Variants in FGGY observed in about 807,000 individuals in gnomAD.
FGGY encodes the protein FGGY carbohydrate kinase domain containing.
Under a neutral mutation model 71.3 loss-of-function variants are expected in FGGY, and 72 were observed. That is an observed-to-expected ratio of 1.01 (90% confidence interval 0.84 to 1.23). FGGY has a LOEUF of 1.23. Ranked by LOEUF, FGGY falls within the 50% of genes most tolerant of loss-of-function variation. The pLI is 0.00. For synonymous variants in FGGY, 251 were observed against 250.3 expected (o/e 1.00, Z -0.02); for missense variants, 668 against 682.3 (o/e 0.98, Z 0.23).
At chr1:59,656,421 G>A (rs887295517) in intron 11 of FGGY, among the ~76,000 whole-genome samples, 6 of 152,202 alleles carry the variant, frequency 3.9e-5, no homozygotes, top group African/African-American at 1.2e-4. Flanking sequence ...AGCTCCCCGA[G>A]GGTCCTTTGT....
At chr1:59,625,229 T>C (rs552289623) in intron 9 of FGGY, among the ~76,000 whole-genome samples, 24 of 152,302 alleles carry the variant, frequency 1.6e-4, no homozygotes, top group Non-Finnish European at 2.5e-4. Flanking sequence ...GGGTGTGTTA[T>C]GGCAAGCAGA....
chr1:59,479,675 G>A (rs938504525), intron 6 of FGGY, among the ~76,000 whole-genome samples: 6 of 152,154 alleles, frequency 3.9e-5, no homozygotes, highest in Admixed American at 3.9e-4. Flanking sequence ...GAGAGAGTCA[G>A]AATCTGTAAA....
chr1:59,755,910 A>T (rs897726908), intron 14 of FGGY: 4 of 152,246 alleles, frequency 2.6e-5, no homozygotes, highest in African/African-American at 9.6e-5. Context: ...GTCCTCCCTA[A>T]AGCACAGCAG....
At chr1:59,722,019 C>T (rs2097901343) in intron 14 of FGGY, among the ~76,000 whole-genome samples, 1 of 152,186 alleles carries the variant, frequency 6.6e-6, no homozygotes, top group Non-Finnish European at 1.5e-5. Flanking sequence ...CCTAACATCC[C>T]TTTTCTATTC....
chr1:59,371,982 C>G (rs971544533), intron 4 of FGGY, among the ~76,000 whole-genome samples: 14 of 152,092 alleles, frequency 9.2e-5, no homozygotes, highest in Admixed American at 8.5e-4. Flanking sequence ...GACACCCTAA[C>G]ATCACAATTA....
chr1:59,368,890 G>A (rs1319630076), intron 4 of FGGY, among the ~76,000 whole-genome samples: 1 of 151,986 alleles, frequency 6.6e-6, no homozygotes, highest in Non-Finnish European at 1.5e-5. Context: ...AGGAGTTCAC[G>A]ACCAGCCTGG....
chr1:59,516,077 TCCTTATTATG>T (rs932205282), intron 7 of FGGY, among the ~76,000 whole-genome samples: 13 of 137,638 alleles, frequency 9.4e-5, no homozygotes, highest in South Asian at 2.1e-4. Context: ...CTATGTTTTA[TCCTTATTATG>T]CCTTCTTATG....
At chr1:59,507,751 G>A (rs1004720411) in intron 6 of FGGY, among the ~76,000 whole-genome samples, 17 of 146,562 alleles carry the variant, frequency 1.2e-4, no homozygotes, top group Non-Finnish European at 2.2e-4. Context: ...GGCCAGGCTG[G>A]TCTCAAACTC....
rs1229895333 is a variant in FGGY at position 59,747,359 on chromosome 1, C to T, written c.1513-10572C>T. On this transcript the variant is annotated intron_variant, in intron 14 of 15. Coordinates refer to ENST00000303721, the MANE Select transcript of FGGY (RefSeq NM_018291.5). ...AGAGTATCACAACAGAGGTTGATGG[C>T]CTTACCTAGTATAAAACCACTCCCC... Among the ~76,000 whole-genome samples the T allele has an allele frequency of 2.6e-5, 4 of 152,154 alleles. No individual in the cohort carries two copies. In the East Asian group the frequency reaches 7.7e-4, roughly 29 times the overall value.
rs57074120 is a variant in FGGY, at chr1:59,753,467, A to AATATATATATAT, written c.1513-4429_1513-4418dup. Among the ~76,000 whole-genome samples the AATATATATATAT allele has an allele frequency of 9.8e-4, 47 of 47,842 alleles. 1 individual carries two copies. Among genetic ancestry groups the AATATATATATAT allele is most frequent in the Non-Finnish European group, 1.4e-3 (34 of 24,098 alleles). 31.4% of individuals were successfully genotyped at this position (47,842 alleles called of 152,430 possible). The stretch of plus-strand genomic sequence containing the variant: ...GACTGTCTTTATAAGCATAACTTTA[A>AATATATATATAT]ATATATATATATATATATATATATA... On this transcript the variant is annotated intron_variant, in intron 14 of 15. Transcript: ENST00000303721.
At chr1:59,679,151 C>T (rs1360816148) in intron 14 of FGGY, among the ~76,000 whole-genome samples, 1 of 152,216 alleles carries the variant, frequency 6.6e-6, no homozygotes, top group Non-Finnish European at 1.5e-5. Context: ...TGCAAACATC[C>T]TCATTGCTTA....
intron 1 of FGGY, among the ~76,000 whole-genome samples, chr1:59,312,356 A>G (rs1161938829): frequency 4.6e-5 from 7 of 152,208 alleles, no homozygotes; most frequent in Non-Finnish European, 1.0e-4. Context: ...GTGACTATCA[A>G]CAGGATATTG....
At chr1:59,393,320 C>T (rs1005009830) in intron 5 of FGGY, 2 of 152,202 alleles carry the variant, frequency 1.3e-5, no homozygotes, top group African/African-American at 4.8e-5. Flanking sequence ...GGGGAGGGAC[C>T]TCTGCAGTGG....
chr1:59,604,746 A>T (rs2096607354), intron 8 of FGGY, among the ~76,000 whole-genome samples: 1 of 152,168 alleles, frequency 6.6e-6, no homozygotes, highest in Non-Finnish European at 1.5e-5. Context: ...GACAACTTAC[A>T]CAACCTCTTG....
intron 12 of FGGY, among the ~76,000 whole-genome samples, chr1:59,666,466 A>C (rs1176307335): frequency 6.6e-6 from 1 of 152,218 alleles, no homozygotes; most frequent in East Asian, 1.9e-4. Context: ...AAGATTTTTC[A>C]GATGTTCAAC....
chr1:59,667,177 T>G (rs531899098), intron 12 of FGGY, 106 bp from the exon 13 acceptor site: 9 of 1,362,226 alleles, frequency 6.6e-6, no homozygotes, highest in East Asian at 2.3e-5. Flanking sequence ...AGATAGTGTA[T>G]GTAGAGCTTA....
intron 7 of FGGY, among the ~76,000 whole-genome samples, chr1:59,536,397 G>A (rs901429733): frequency 6.6e-6 from 1 of 152,118 alleles, no homozygotes; most frequent in African/African-American, 2.4e-5. Context: ...TTCTACCAGA[G>A]GTACAAGGAG....
chr1:59,603,863 A>C (rs564702347), intron 8 of FGGY, among the ~76,000 whole-genome samples: 7 of 152,370 alleles, frequency 4.6e-5, no homozygotes, highest in Admixed American at 4.6e-4. Flanking sequence ...AAAGACTCAA[A>C]GAAGTAATGG....
chr1:59,433,119 G>T (rs959598816), intron 5 of FGGY, among the ~76,000 whole-genome samples: 1 of 152,154 alleles, frequency 6.6e-6, no homozygotes, highest in African/African-American at 2.4e-5. Flanking sequence ...CTTAACCTTG[G>T]CACCATTGAC....
Sources: gnomAD v4.1 joint callset for allele counts (sites outside exome capture counted in the v4.1 genomes callset) on GRCh38, gnomAD v4.1.1 for gene constraint, MANE v1.5 for transcripts, NCBI Gene and HGNC (gene_info 2026-07-23, HGNC 2026-07-21) for gene names.